KALRN: variants seen among roughly 807,000 people sequenced by gnomAD.
KALRN encodes the protein kalirin RhoGEF kinase, also known as kalirin.
KALRN carries 70 observed loss-of-function variants against 353.7 expected under a neutral mutation model. That is an observed-to-expected ratio of 0.20 (90% CI 0.16 to 0.24). The LOEUF is 0.24. Among genes scored for constraint, KALRN ranks in the 10% least tolerant of loss-of-function variants. The pLI is 1.00. For missense variants in KALRN, 2,791 were observed against 3,756.7 expected (o/e 0.74, Z 6.72); for synonymous variants, 1,391 against 1,434.8 (o/e 0.97, Z 0.69).
intron 13 of KALRN, among the ~76,000 whole-genome samples, chr3:124,406,516 C>T (rs2091558045): frequency 6.6e-6 from 1 of 152,164 alleles, no homozygotes; most frequent in South Asian, 2.1e-4. Flanking sequence ...GAATATTTGT[C>T]TTCCACTTTC....
At chr3:124,231,128 A>AT (rs1450235732) in intron 2 of KALRN, among the ~76,000 whole-genome samples, 19 of 152,186 alleles carry the variant, frequency 1.2e-4, no homozygotes, top group African/African-American at 4.6e-4. Context: ...GGGAACGTAC[A>AT]TTGGGAATAA....
At chr3:124,439,200 T>TCACACACACACACACACACACA (rs376221553) in intron 18 of KALRN, among the ~76,000 whole-genome samples, 163 bp downstream of exon 18, 85 of 98,934 alleles carry the variant, frequency 8.6e-4, no homozygotes, top group African/African-American at 2.7e-3. Context: ...TCTCTCTCTC[T>TCACACACACACACACACACACA]CACACACACA....
intron 1 of KALRN, among the ~76,000 whole-genome samples, chr3:124,064,153 A>G (rs1232740941): frequency 6.6e-6 from 1 of 152,120 alleles, no homozygotes; most frequent in East Asian, 1.9e-4. Context: ...AGCAGGGGAG[A>G]CAACCAAGAA....
chr3:124,247,010 A>T lies in KALRN; in HGVS notation c.263+12067A>T, dbSNP rs534027715. ...ACATATCATTTTCACTGTGTTTTCTATTTCTCTCTTTACTTATCATTGGTT... is the reference window on the plus strand; with the variant it reads ...ACATATCATTTTCACTGTGTTTTCTTTTTCTCTCTTTACTTATCATTGGTT... On this transcript the variant is annotated intron_variant, in intron 3 of 59. Transcript: ENST00000682506. Among the ~76,000 whole-genome samples the T allele has an allele frequency of 2.0e-5, 3 of 151,864 alleles. No individual in the cohort carries two copies. The South Asian group carries it at 6.2e-4, about 32-fold the overall frequency.
rs750555564 is a variant in KALRN at position 124,430,676 on chromosome 3, T to C, written c.2730T>C (p.Asn910=). 3 of 1,614,178 alleles carry C rather than the reference T, an allele frequency of 1.9e-6. No individual in the cohort carries two copies. The highest frequency in any genetic ancestry group is 1.7e-4 in the Middle Eastern group (1 of 6,060). ...CCTAGGTTCTGGGATGGATCCGCAA[T>C]GGAGAGTCAATGCTCAACGCCAGCC... The part of the protein sequence containing the change: ...EVKQVLGWIR[N]GESMLNASLV... Residue 910 remains asparagine (N), a synonymous_variant, in exon 16 of 60, where the codon AAT becomes AAC. Transcript: ENST00000682506.
At chr3:124,305,480 G>C (rs1185707536) in intron 6 of KALRN, among the ~76,000 whole-genome samples, 1 of 152,162 alleles carries the variant, frequency 6.6e-6, no homozygotes, top group East Asian at 1.9e-4. Flanking sequence ...GAAAACAATA[G>C]AGCAATCAGC....
At chr3:124,624,847 G>A (rs2079756595) in intron 34 of KALRN, among the ~76,000 whole-genome samples, 1 of 152,202 alleles carries the variant, frequency 6.6e-6, no homozygotes, top group South Asian at 2.1e-4. Flanking sequence ...AGTGGTTAAA[G>A]AGCTATCATT....
chr3:124,627,893 T>C (rs1238487705), intron 34 of KALRN, among the ~76,000 whole-genome samples: 1 of 152,224 alleles, frequency 6.6e-6, no homozygotes, highest in Non-Finnish European at 1.5e-5. Context: ...TAATATTCCC[T>C]GAGTATAGCA....
rs1195192821 is a variant in KALRN at position 124,615,519 on chromosome 3, TCTC to T, written c.5183-16900_5183-16898del. Among the ~76,000 whole-genome samples the T allele has an allele frequency of 2.0e-5, 3 of 152,266 alleles. No homozygotes were observed. In the East Asian group the frequency reaches 5.8e-4, roughly 29 times the overall value. ...AAGGGGAATCTTCTCTGTAACTTAT[TCTC>T]AGTTTGGAAAGAGAAAGATGAAAAA... On this transcript the variant is annotated intron_variant, in intron 34 of 59. Coordinates refer to ENST00000682506, the MANE Select transcript of KALRN (RefSeq NM_001388419.1).
intron 57 of KALRN, among the ~76,000 whole-genome samples, chr3:124,706,440 C>T (rs1055748686): frequency 6.6e-6 from 1 of 152,206 alleles, no homozygotes; most frequent in Non-Finnish European, 1.5e-5. Flanking sequence ...CTAACCAGCC[C>T]AAAAGGAAAG....
chr3:124,593,553 T>C (rs1255680022), intron 34 of KALRN, among the ~76,000 whole-genome samples: 1 of 152,182 alleles, frequency 6.6e-6, no homozygotes, highest in Non-Finnish European at 1.5e-5. Context: ...CTTTTTCTTT[T>C]TGATTTGTTC....
chr3:124,650,008 G>C (rs1281265786), intron 37 of KALRN, among the ~76,000 whole-genome samples: 1 of 143,662 alleles, frequency 7.0e-6, no homozygotes, highest in East Asian at 2.0e-4. Context: ...TAATAATAAA[G>C]AATAGCCTTA....
chr3:124,272,822 C>T (rs1446507215), intron 5 of KALRN, among the ~76,000 whole-genome samples: 1 of 152,192 alleles, frequency 6.6e-6, no homozygotes, highest in Non-Finnish European at 1.5e-5. Flanking sequence ...AGCTAAGTGC[C>T]TCAGCCTTTG....
chr3:124,390,857 CTT>C (rs1222050651), intron 11 of KALRN, among the ~76,000 whole-genome samples: 4 of 152,132 alleles, frequency 2.6e-5, no homozygotes, highest in East Asian at 1.9e-4. Context: ...CTCTTCCTCT[CTT>C]GTCTCCTTCC....
chr3:124,041,160 G>A (rs2039929642), intron 1 of KALRN, among the ~76,000 whole-genome samples: 1 of 152,116 alleles, frequency 6.6e-6, no homozygotes, highest in Admixed American at 6.5e-5. Context: ...GGGTTAAAAG[G>A]GGAGGGAAAA....
intron 11 of KALRN, among the ~76,000 whole-genome samples, chr3:124,393,986 A>G (rs562756543): frequency 6.6e-6 from 1 of 152,350 alleles, no homozygotes; most frequent in South Asian, 2.1e-4. Context: ...AACCAACTCG[A>G]TGAAATAATA....
intron 1 of KALRN, among the ~76,000 whole-genome samples, chr3:124,066,759 G>A (rs202208112): frequency 6.6e-6 from 1 of 152,160 alleles, no homozygotes; most frequent in East Asian, 1.9e-4. Flanking sequence ...TCAGCCTTGG[G>A]CACTCAGCCG....
intron 1 of KALRN, among the ~76,000 whole-genome samples, chr3:124,082,779 T>A (rs1177981019): frequency 6.6e-6 from 1 of 152,206 alleles, no homozygotes; most frequent in Non-Finnish European, 1.5e-5. Context: ...CTTGAAAGAG[T>A]TAGACTGATG....
chr3:124,550,790 C>A (rs929174766), intron 33 of KALRN, among the ~76,000 whole-genome samples: 1 of 152,064 alleles, frequency 6.6e-6, no homozygotes, highest in African/African-American at 2.4e-5. Context: ...GAGATCGAGA[C>A]CACCCTGGCT....
Sources: gnomAD v4.1 joint callset for allele counts (sites outside exome capture counted in the v4.1 genomes callset) on GRCh38, gnomAD v4.1.1 for gene constraint, MANE v1.5 for transcripts, NCBI Gene and HGNC (gene_info 2026-07-23, HGNC 2026-07-21) for gene names.